The following ATAD2B variants were observed in gnomAD, a reference collection of about 807,000 sequenced individuals.
ATAD2B encodes the protein ATPase family AAA domain containing 2B, also known as ATPase family AAA domain-containing protein 2B.
Under a neutral mutation model 167.6 loss-of-function variants are expected in ATAD2B, and 40 were observed. The ratio of observed to expected loss-of-function variants is 0.24; its 90% CI spans 0.19 to 0.31. The LOEUF (loss-of-function observed/expected upper bound fraction) is 0.31. ATAD2B is among the 10% of genes least tolerant of loss of function. The pLI is 1.00. For synonymous variants in ATAD2B, 579 were observed against 596.5 expected (o/e 0.97, Z 0.43); for missense variants, 1,242 against 1,757.2 (o/e 0.71, Z 5.24).
chr2:23,908,279 C>CA (rs1384794558), intron 1 of ATAD2B, among the ~76,000 whole-genome samples: 1 of 151,966 alleles, frequency 6.6e-6, no homozygotes, highest in East Asian at 1.9e-4. Context: ...ACAATGAACT[C>CA]AAACAAATTT....
At chr2:23,776,385 C>A (rs926812773) in intron 22 of ATAD2B, among the ~76,000 whole-genome samples, 1 of 152,222 alleles carries the variant, frequency 6.6e-6, no homozygotes, top group African/African-American at 2.4e-5. Flanking sequence ...CAACCTCCAT[C>A]TTACAACTGC....
the ATAD2B span, among the ~76,000 whole-genome samples, chr2:23,683,346 C>T: frequency 2.0e-5 from 3 of 152,226 alleles, no homozygotes; most frequent in African/African-American, 7.2e-5. Flanking sequence ...CTCTGACGCG[C>T]AGCTGCCAGC....
intron 7 of ATAD2B, among the ~76,000 whole-genome samples, chr2:23,877,203 G>A (rs1230272058): frequency 6.6e-6 from 1 of 151,992 alleles, no homozygotes; most frequent in Non-Finnish European, 1.5e-5. Context: ...TTGAGCCCAG[G>A]AGTTCCAGAC....
At chr2:23,805,154 AAAAG>A (rs1420737840) in intron 18 of ATAD2B, among the ~76,000 whole-genome samples, 3 of 152,002 alleles carry the variant, frequency 2.0e-5, no homozygotes, top group Non-Finnish European at 4.4e-5. Flanking sequence ...AAAAAAAAAA[AAAAG>A]AAAAGAAAAG....
At chr2:23,791,638 A>T (rs747325902) in intron 19 of ATAD2B, among the ~76,000 whole-genome samples, 5 of 152,216 alleles carry the variant, frequency 3.3e-5, no homozygotes, top group Non-Finnish European at 5.9e-5. Context: ...TATAAAAGGA[A>T]TTATACAAAA....
intron 22 of ATAD2B, among the ~76,000 whole-genome samples, chr2:23,771,648 CCTCTTTTT>C (rs1015069865): frequency 6.6e-6 from 1 of 151,988 alleles, no homozygotes; most frequent in African/African-American, 2.4e-5. Flanking sequence ...TTCCCTTTTT[CCTCTTTTT>C]CTCACTTCTC....
At chr2:23,687,532 G>A in the ATAD2B span, among the ~76,000 whole-genome samples, 2 of 152,158 alleles carry the variant, frequency 1.3e-5, no homozygotes, top group African/African-American at 2.4e-5. Flanking sequence ...TCCTGGGGCC[G>A]GGGCTCACAC....
chr2:23,731,025 T>C, the ATAD2B span, among the ~76,000 whole-genome samples: 1 of 152,028 alleles, frequency 6.6e-6, no homozygotes, highest in African/African-American at 2.4e-5. Context: ...CAAAGATTAC[T>C]AGAGTTGTGT....
At chr2:23,772,131 AT>A (rs111372185) in intron 22 of ATAD2B, among the ~76,000 whole-genome samples, 18,120 of 147,342 alleles carry the variant, frequency 0.12, 1,151 homozygotes, top group Middle Eastern at 0.22. Context: ...TATTTTGTTC[AT>A]TTTTTTTTTC....
chr2:23,763,599 T>C (rs909273649), intron 23 of ATAD2B, among the ~76,000 whole-genome samples: 1 of 152,180 alleles, frequency 6.6e-6, no homozygotes, highest in Non-Finnish European at 1.5e-5. Context: ...TTTTGGGGTT[T>C]TTTTTGTTGA....
intron 13 of ATAD2B, 46 bp downstream of exon 13, chr2:23,857,369 C>T (rs1693587964): frequency 1.9e-6 from 2 of 1,075,208 alleles, no homozygotes; most frequent in Non-Finnish European, 1.3e-6. Context: ...ACTACCAAGT[C>T]AATGCGTAAA....
At chr2:23,869,611 A>C (rs1490130400) in intron 9 of ATAD2B, 52 bp downstream of exon 9, 3 of 1,294,408 alleles carry the variant, frequency 2.3e-6, no homozygotes, top group African/African-American at 1.5e-5. Context: ...CTCAAAAAAA[A>C]CTTATTTTTC....
At position 23,786,207 on chromosome 2, in the gene ATAD2B, T is replaced by C. The variant is rs147132977; in HGVS notation, c.2793A>G (p.Glu931=). Residue 931 remains glutamate (E), a synonymous_variant, in exon 21 of 28, where the codon GAA becomes GAG. Coordinates refer to ENST00000238789, the MANE Select transcript of ATAD2B (RefSeq NM_017552.4). ...RRKHAALCAM[E]VLPLALPSPP... Reference sequence around the variant, plus strand: ...GAGAAGGTAGTGCAAGAGGAAGCACTTCCATAGCACAAAGAGCTAGAGAAA... The same window carrying C: ...GAGAAGGTAGTGCAAGAGGAAGCACCTCCATAGCACAAAGAGCTAGAGAAA... 2 of 1,580,220 alleles carry C rather than the reference T, an allele frequency of 1.3e-6. No individual in the cohort carries two copies. Among genetic ancestry groups the C allele is most frequent in the South Asian group, 2.3e-5 (2 of 86,292 alleles).
At chr2:23,785,654 G>T (rs1245428365) in intron 21 of ATAD2B, 1 of 159,016 alleles carries the variant, frequency 6.3e-6, no homozygotes, top group Non-Finnish European at 1.4e-5. Context: ...ACATAATTTG[G>T]GAAATGCCAG....
chr2:23,741,133 T>G, the ATAD2B span, among the ~76,000 whole-genome samples: 2 of 151,722 alleles, frequency 1.3e-5, no homozygotes, highest in Non-Finnish European at 2.9e-5. Context: ...CTGCCCAAGG[T>G]AATTTATAGA....
chr2:23,830,532 C>A (rs1406902608), intron 14 of ATAD2B, among the ~76,000 whole-genome samples: 1 of 152,072 alleles, frequency 6.6e-6, no homozygotes, highest in Non-Finnish European at 1.5e-5. Context: ...TGGGGTCCAG[C>A]AACAAAACAG....
the ATAD2B span, chr2:23,703,048 C>T: frequency 1.9e-6 from 1 of 534,146 alleles, no homozygotes; most frequent in Non-Finnish European, 3.0e-6. Context: ...CGCAGTGCCC[C>T]CCACTGCTGG....
intron 18 of ATAD2B, chr2:23,799,900 C>G (rs1683214295): frequency 6.6e-6 from 1 of 152,118 alleles, no homozygotes; most frequent in South Asian, 2.1e-4. Flanking sequence ...TACAGTACAA[C>G]TCCTTCAGGA....
intron 17 of ATAD2B, among the ~76,000 whole-genome samples, chr2:23,812,365 A>G (rs533366403): frequency 2.3e-4 from 35 of 152,240 alleles, no homozygotes; most frequent in African/African-American, 8.4e-4. Flanking sequence ...CAGTCTTAGC[A>G]AGAAAAGAGT....
Sources: gnomAD v4.1 joint callset for allele counts (sites outside exome capture counted in the v4.1 genomes callset) on GRCh38, gnomAD v4.1.1 for gene constraint, MANE v1.5 for transcripts, NCBI Gene and HGNC (gene_info 2026-07-23, HGNC 2026-07-21) for gene names.